Variants in TTC23 observed in about 807,000 individuals in gnomAD.
TTC23 encodes tetratricopeptide repeat protein 23.
In TTC23, 58 loss-of-function variants were observed where a neutral mutation model predicts 55.1. The ratio of observed to expected loss-of-function variants is 1.05; its 90% CI spans 0.85 to 1.31. The LOEUF is 1.31. Ranked by LOEUF, TTC23 falls within the 50% of genes most tolerant of loss-of-function variation. The probability of loss-of-function intolerance (pLI) is 0.00; values close to 1 mark genes in which losing one functional copy is unlikely to be tolerated. For synonymous variants in TTC23, 203 were observed against 199.9 expected (o/e 1.02, Z -0.13); for missense variants, 516 against 534.4 (o/e 0.97, Z 0.34).
intron 9 of TTC23, among the ~76,000 whole-genome samples, chr15:99,191,127 G>T (rs1172536395): frequency 6.6e-6 from 1 of 152,050 alleles, no homozygotes; most frequent in African/African-American, 2.4e-5. Context: ...GGGGACACTA[G>T]TATCTCACAG....
chr15:99,163,013 G>A (rs1386733204), intron 10 of TTC23, among the ~76,000 whole-genome samples: 1 of 152,118 alleles, frequency 6.6e-6, no homozygotes, highest in Non-Finnish European at 1.5e-5. Flanking sequence ...AGCCCAGGAG[G>A]TTGAGGCTTC....
rs754096187 is a variant in TTC23, at chr15:99,228,716, T to C, written c.-4A>G. On this transcript the variant is annotated 5_prime_UTR_variant, in exon 5 of 14. Transcript: ENST00000394132. ...GGGTTTCCTGTGATTCTTGCATATT[T>C]TTATATACATTGTCTTCTAATTTTA... 6.3e-7 allele frequency: 1 copy of C among 1,578,994 alleles called. No homozygotes were observed. The highest frequency in any genetic ancestry group is 2.2e-5 in the East Asian group (1 of 44,516).
intron 10 of TTC23, among the ~76,000 whole-genome samples, chr15:99,172,067 G>C (rs2073017541): frequency 6.7e-6 from 1 of 149,098 alleles, no homozygotes; most frequent in Non-Finnish European, 1.5e-5. Context: ...GCCCAGGCTG[G>C]AGTGCAGTGG....
chr15:99,181,637 A>T (rs1405429897), intron 9 of TTC23, among the ~76,000 whole-genome samples: 1 of 152,160 alleles, frequency 6.6e-6, no homozygotes, highest in Non-Finnish European at 1.5e-5. Context: ...TAACACCCTT[A>T]CGTAAGACAG....
chr15:99,247,088 A>G (rs2152107668), intron 1 of TTC23, among the ~76,000 whole-genome samples: 1 of 152,386 alleles, frequency 6.6e-6, no homozygotes, highest in Middle Eastern at 3.4e-3. Flanking sequence ...GTCAGTCATC[A>G]GGAAAATGCA....
chr15:99,187,451 G>GAAAAAAAA (rs2074779029), intron 9 of TTC23, among the ~76,000 whole-genome samples: 1 of 10,454 alleles, frequency 9.6e-5, no homozygotes, highest in African/African-American at 6.4e-4. Flanking sequence ...AAAAGCACAA[G>GAAAAAAAA]CAAAAAAAAA....
At chr15:99,245,167 A>G (rs536124903) in intron 2 of TTC23, among the ~76,000 whole-genome samples, 3 of 152,312 alleles carry the variant, frequency 2.0e-5, no homozygotes, top group Admixed American at 6.5e-5. Context: ...TATTTCAATA[A>G]AGCTGGGGAA....
At position 99,230,917 on chromosome 15, in the gene TTC23, G is replaced by A. The variant is rs570781188; in HGVS notation, c.-20-2185C>T. 5.3e-5 allele frequency among the ~76,000 whole-genome samples: 8 copies of A among 152,294 alleles called. 1 individual carries two copies. The East Asian group carries it at 9.6e-4, about 18-fold the overall frequency. ...CTACAAAACAGACGACCTTGGAAATGGTACGTACATGGGCAAATGTGTAAG... is the reference window on the plus strand; with the variant it reads ...CTACAAAACAGACGACCTTGGAAATAGTACGTACATGGGCAAATGTGTAAG... On this transcript the variant is annotated intron_variant, in intron 4 of 13. Coordinates refer to ENST00000394132, the MANE Select transcript of TTC23 (RefSeq NM_001288615.3).
chr15:99,223,150 G>A (rs2078093216), intron 5 of TTC23, among the ~76,000 whole-genome samples: 1 of 152,140 alleles, frequency 6.6e-6, no homozygotes, highest in Non-Finnish European at 1.5e-5. Context: ...CAGTTTTCAG[G>A]CCACAGTCTA....
chr15:99,246,294 A>T (rs1334092292), intron 1 of TTC23, among the ~76,000 whole-genome samples: 2 of 152,244 alleles, frequency 1.3e-5, no homozygotes, highest in Non-Finnish European at 2.9e-5. Flanking sequence ...AAGGACTTTA[A>T]CCACAATATA....
Position 99,199,928 on chromosome 15 carries a change from G to C in TTC23, c.750C>G (p.His250Gln), listed in dbSNP as rs1448586406. ...ALGLHDVSIN[H>Q]FLQAHLIILS... ...GGACCTTGTAGCTTACCTGGAGGAA[G>C]TGGTTGATGGATACATCGTGGAGTC... Residue 250 changes from histidine (H) to glutamine (Q), a missense_variant, in exon 9 of 14, where the codon CAC becomes CAG. His to Gln is a conservative substitution (Grantham distance 24). Transcript: ENST00000394132. The C allele has an allele frequency of 3.7e-6, 6 of 1,610,944 alleles. No individual in the cohort carries two copies. The highest frequency in any genetic ancestry group is 5.1e-6 in the Non-Finnish European group (6 of 1,178,618).
intron 8 of TTC23, among the ~76,000 whole-genome samples, chr15:99,205,672 T>C (rs1390842796): frequency 1.3e-5 from 2 of 152,178 alleles, no homozygotes; most frequent in African/African-American, 4.8e-5. Context: ...CCTGCAACTT[T>C]ACTGAATTTG....
intron 8 of TTC23, among the ~76,000 whole-genome samples, chr15:99,217,123 C>T (rs1018266819): frequency 6.6e-6 from 1 of 151,862 alleles, no homozygotes; most frequent in African/African-American, 2.4e-5. Flanking sequence ...CAGAATGATA[C>T]ATACGCTACA....
intron 8 of TTC23, among the ~76,000 whole-genome samples, chr15:99,202,737 T>G (rs571993983): frequency 1.3e-5 from 2 of 152,116 alleles, no homozygotes; most frequent in African/African-American, 4.8e-5. Context: ...GAAAATGTTA[T>G]GGAAAATAAC....
intron 2 of TTC23, among the ~76,000 whole-genome samples, chr15:99,242,441 T>C (rs764846973): frequency 2.0e-5 from 3 of 152,124 alleles, no homozygotes; most frequent in Non-Finnish European, 4.4e-5. Flanking sequence ...ACAACATGAG[T>C]ATTTTGAAAA....
At chr15:99,190,638 G>T (rs1211503675) in intron 9 of TTC23, among the ~76,000 whole-genome samples, 1 of 152,160 alleles carries the variant, frequency 6.6e-6, no homozygotes, top group East Asian at 1.9e-4. Flanking sequence ...CAATGGTGGT[G>T]AATCAGGGTG....
At chr15:99,236,026 T>C (rs1025742825) in intron 3 of TTC23, among the ~76,000 whole-genome samples, 5 of 152,368 alleles carry the variant, frequency 3.3e-5, no homozygotes, top group African/African-American at 7.2e-5. Context: ...ATTGTGTTTA[T>C]ACATTTATCC....
chr15:99,192,824 A>G (rs1323377009), intron 9 of TTC23, among the ~76,000 whole-genome samples: 1 of 152,120 alleles, frequency 6.6e-6, no homozygotes, highest in Non-Finnish European at 1.5e-5. Context: ...AGCTGCAGAC[A>G]CTCATCGTCA....
At chr15:99,212,696 T>C (rs531175526) in intron 8 of TTC23, among the ~76,000 whole-genome samples, 1 of 151,968 alleles carries the variant, frequency 6.6e-6, no homozygotes, top group Non-Finnish European at 1.5e-5. Flanking sequence ...CTAAAAGATA[T>C]CCTTTTAAGA....
Sources: allele counts gnomAD v4.1 joint callset (sites outside exome capture counted in the v4.1 genomes callset), GRCh38; gene constraint gnomAD v4.1.1; transcripts MANE v1.5; gene names NCBI Gene and HGNC (gene_info 2026-07-23, HGNC 2026-07-21).